CCSER1: variants seen among roughly 807,000 people sequenced by gnomAD.
CCSER1 encodes coiled-coil serine rich protein 1.
A neutral mutation model predicts 82.0 loss-of-function variants in CCSER1; 41 were observed. The observed-to-expected ratio is 0.50, with a 90% CI of 0.39 to 0.65. The LOEUF is 0.65. Among genes scored for constraint, CCSER1 ranks in the 30% least tolerant of loss-of-function variants. The probability of loss-of-function intolerance (pLI) is 0.00; values close to 1 mark genes in which losing one functional copy is unlikely to be tolerated. For missense variants in CCSER1, 1,119 were observed against 1,064.2 expected (o/e 1.05, Z -0.72); for synonymous variants, 414 against 383.9 (o/e 1.08, Z -0.92).
At chr4:91,167,815 C>T (rs188503388) in intron 10 of CCSER1, among the ~76,000 whole-genome samples, 3 of 152,356 alleles carry the variant, frequency 2.0e-5, no homozygotes, top group East Asian at 3.9e-4. Flanking sequence ...TGTTTAATAA[C>T]ATAATATAAC....
At chr4:90,691,546 T>A (rs912671928) in intron 6 of CCSER1, among the ~76,000 whole-genome samples, 6 of 135,386 alleles carry the variant, frequency 4.4e-5, no homozygotes, top group African/African-American at 1.5e-4. Context: ...AATACATGTG[T>A]ACATATCACA....
chr4:90,843,568 A>G (rs961280606), intron 8 of CCSER1, among the ~76,000 whole-genome samples: 1 of 152,090 alleles, frequency 6.6e-6, no homozygotes, highest in African/African-American at 2.4e-5. Flanking sequence ...TTTCTAGAGG[A>G]TTATATTTTT....
At chr4:91,020,017 TTAAA>T (rs1311381387) in intron 9 of CCSER1, among the ~76,000 whole-genome samples, 1 of 152,188 alleles carries the variant, frequency 6.6e-6, no homozygotes, top group Non-Finnish European at 1.5e-5. Context: ...TGAACTTTAA[TTAAA>T]TGAGAGTTAA....
chr4:91,099,668 G>C (rs777617767), intron 10 of CCSER1, among the ~76,000 whole-genome samples: 3 of 152,124 alleles, frequency 2.0e-5, no homozygotes, highest in Non-Finnish European at 4.4e-5. Context: ...AAAGCAGGGG[G>C]TGGGGTGGGG....
intron 10 of CCSER1, among the ~76,000 whole-genome samples, chr4:91,436,669 A>G (rs1173407857): frequency 6.6e-6 from 1 of 152,170 alleles, no homozygotes; most frequent in East Asian, 1.9e-4. Context: ...TTATTTCTTT[A>G]AGATCAAGGC....
At chr4:91,140,168 A>G (rs1048851748) in intron 10 of CCSER1, among the ~76,000 whole-genome samples, 1 of 152,028 alleles carries the variant, frequency 6.6e-6, no homozygotes, top group African/African-American at 2.4e-5. Flanking sequence ...CTCTTAATAT[A>G]TATTAGAAAA....
At chr4:90,851,759 G>A (rs1763920984) in intron 8 of CCSER1, among the ~76,000 whole-genome samples, 1 of 152,074 alleles carries the variant, frequency 6.6e-6, no homozygotes, top group African/African-American at 2.4e-5. Context: ...TGTGGACACT[G>A]TAAATCTTAA....
At chr4:91,290,368 T>C (rs1157295960) in intron 10 of CCSER1, among the ~76,000 whole-genome samples, 1 of 152,026 alleles carries the variant, frequency 6.6e-6, no homozygotes, top group Non-Finnish European at 1.5e-5. Context: ...TATTTGCTGC[T>C]AAGATATTAC....
At chr4:91,286,606 A>G (rs2149211494) in intron 10 of CCSER1, among the ~76,000 whole-genome samples, 1 of 151,962 alleles carries the variant, frequency 6.6e-6, no homozygotes, top group African/African-American at 2.4e-5. Context: ...ATTTGGATAA[A>G]ATTTGGCAAA....
intron 5 of CCSER1, among the ~76,000 whole-genome samples, chr4:90,478,372 A>AT (rs1197689653): frequency 6.6e-6 from 1 of 152,154 alleles, no homozygotes; most frequent in Non-Finnish European, 1.5e-5. Flanking sequence ...AAAGACAGGT[A>AT]TTTTTTGAAG....
chr4:91,178,107 G>A (rs1229088506), intron 10 of CCSER1, among the ~76,000 whole-genome samples: 3 of 152,188 alleles, frequency 2.0e-5, no homozygotes, highest in South Asian at 2.1e-4. Flanking sequence ...CAGTTTCCAT[G>A]TAGTTGAGCG....
intron 5 of CCSER1, among the ~76,000 whole-genome samples, chr4:90,574,304 C>G (rs1780470753): frequency 7.7e-6 from 1 of 129,166 alleles, no homozygotes; most frequent in Admixed American, 8.8e-5. Flanking sequence ...CTCTGTCGCA[C>G]AGGCTGGACT....
At chr4:91,395,331 C>A (rs1751908283) in intron 10 of CCSER1, among the ~76,000 whole-genome samples, 1 of 152,032 alleles carries the variant, frequency 6.6e-6, no homozygotes, top group Non-Finnish European at 1.5e-5. Context: ...AGGGATGTGA[C>A]TATATCAAGA....
At chr4:90,831,779 G>A (rs1761140091) in intron 8 of CCSER1, among the ~76,000 whole-genome samples, 1 of 151,950 alleles carries the variant, frequency 6.6e-6, no homozygotes, top group Admixed American at 6.6e-5. Context: ...ATTTAGTTTA[G>A]ACTATATTTT....
intron 3 of CCSER1, among the ~76,000 whole-genome samples, chr4:90,382,768 A>G (rs1385083328): frequency 6.6e-6 from 1 of 152,146 alleles, no homozygotes; most frequent in Non-Finnish European, 1.5e-5. Context: ...TATGACACCA[A>G]TATGATACTT....
At chr4:91,344,222 A>G (rs1226866462) in intron 10 of CCSER1, among the ~76,000 whole-genome samples, 2 of 152,152 alleles carry the variant, frequency 1.3e-5, no homozygotes, top group African/African-American at 4.8e-5. Flanking sequence ...GAACACATAG[A>G]ATGCACCATC....
chr4:91,471,461 A>G (rs746652015), intron 10 of CCSER1, among the ~76,000 whole-genome samples: 15 of 152,226 alleles, frequency 9.9e-5, no homozygotes, highest in Non-Finnish European at 2.1e-4. Flanking sequence ...GCCGCGCTGG[A>G]TGGATCTGGA....
chr4:91,113,175 C>T (rs1398154531), intron 10 of CCSER1, among the ~76,000 whole-genome samples: 1 of 152,148 alleles, frequency 6.6e-6, no homozygotes, highest in Non-Finnish European at 1.5e-5. Context: ...TCTTTACAAT[C>T]TTCAGAACCT....
At chr4:90,554,074 A>G (rs116239263) in intron 5 of CCSER1, among the ~76,000 whole-genome samples, 6,323 of 152,262 alleles carry the variant, frequency 0.042, 188 homozygotes, top group Middle Eastern at 0.078. Context: ...TATAAATAAT[A>G]AAGGAACTGG....
Sources: allele counts gnomAD v4.1 joint callset (sites outside exome capture counted in the v4.1 genomes callset), GRCh38; gene constraint gnomAD v4.1.1; transcripts MANE v1.5; gene names NCBI Gene and HGNC (gene_info 2026-07-23, HGNC 2026-07-21).